The following PRKG1 variants were observed in gnomAD, a reference collection of about 807,000 sequenced individuals.
PRKG1 encodes the protein protein kinase cGMP-dependent 1.
A neutral mutation model predicts 88.1 loss-of-function variants in PRKG1; 35 were observed. The ratio of observed to expected loss-of-function variants is 0.40; its 90% confidence interval spans 0.30 to 0.53. The LOEUF is 0.53. Among genes scored for constraint, PRKG1 ranks in the 20% least tolerant of loss-of-function variants. The pLI, the probability that PRKG1 is intolerant of heterozygous loss-of-function variation, is 0.59. For synonymous variants in PRKG1, 303 were observed against 292.5 expected (o/e 1.04, Z -0.37); for missense variants, 540 against 839.8 (o/e 0.64, Z 4.41).
chr10:51,776,143 C>A (rs1838429682), intron 3 of PRKG1, among the ~76,000 whole-genome samples: 2 of 151,950 alleles, frequency 1.3e-5, no homozygotes, highest in Non-Finnish European at 2.9e-5. Flanking sequence ...GTTTATCTAC[C>A]CAAAGACCCC....
At chr10:52,290,185 G>C in intron 16 of PRKG1, 39 bp from the exon 17 acceptor site, 1 of 1,576,438 alleles carries the variant, frequency 6.3e-7, no homozygotes, top group Non-Finnish European at 8.7e-7. Flanking sequence ...GCTTTTAGCT[G>C]ACACAAAATG....
At chr10:52,015,721 T>C (rs1845022271) in intron 5 of PRKG1, among the ~76,000 whole-genome samples, 1 of 152,238 alleles carries the variant, frequency 6.6e-6, no homozygotes, top group Non-Finnish European at 1.5e-5. Flanking sequence ...TCTTTGTAAA[T>C]GCATATGACT....
intron 2 of PRKG1, among the ~76,000 whole-genome samples, chr10:51,356,313 A>G (rs1235895701): frequency 6.6e-6 from 1 of 151,940 alleles, no homozygotes; most frequent in Non-Finnish European, 1.5e-5. Flanking sequence ...CTCTGATTCA[A>G]ACAATTGTAT....
At chr10:51,904,675 T>C (rs1043576650) in intron 4 of PRKG1, among the ~76,000 whole-genome samples, 3 of 152,164 alleles carry the variant, frequency 2.0e-5, no homozygotes, top group Non-Finnish European at 4.4e-5. Flanking sequence ...AGTGCTTCAG[T>C]TGTTACTGGT....
chr10:51,202,461 A>G (rs1451471383), intron 2 of PRKG1, among the ~76,000 whole-genome samples: 1 of 152,194 alleles, frequency 6.6e-6, no homozygotes, highest in East Asian at 1.9e-4. Context: ...TCTCCTGAGA[A>G]CACTGCTTCA....
chr10:51,231,693 T>C (rs957383371), intron 2 of PRKG1, among the ~76,000 whole-genome samples: 1 of 152,068 alleles, frequency 6.6e-6, no homozygotes. Context: ...CTGGAATTAT[T>C]TGGCAACATC....
At chr10:52,277,716 T>C (rs777954446) in intron 12 of PRKG1, among the ~76,000 whole-genome samples, 10 of 152,306 alleles carry the variant, frequency 6.6e-5, no homozygotes, top group Middle Eastern at 3.4e-3. Flanking sequence ...GAATTTGAGT[T>C]TGTATTAGCA....
At chr10:52,042,188 T>G (rs1383487786) in intron 5 of PRKG1, among the ~76,000 whole-genome samples, 2 of 152,116 alleles carry the variant, frequency 1.3e-5, no homozygotes, top group Non-Finnish European at 2.9e-5. Context: ...TCTCTCAAAA[T>G]ACTAAGGGCA....
intron 2 of PRKG1, among the ~76,000 whole-genome samples, chr10:51,374,112 A>ATATATATATATATATGTG (rs886440031): frequency 1.4e-5 from 2 of 143,804 alleles, no homozygotes; most frequent in African/African-American, 5.0e-5. Flanking sequence ...ATATATATAT[A>ATATATATATATATATGTG]TGTACTTTAA....
chr10:51,030,921 T>G (rs1161125252), intron 1 of PRKG1, among the ~76,000 whole-genome samples: 1 of 152,198 alleles, frequency 6.6e-6, no homozygotes, highest in Non-Finnish European at 1.5e-5. Flanking sequence ...CAGGTATTCC[T>G]TTATGGCAAC....
chr10:51,225,328 G>A (rs555945938), intron 2 of PRKG1, among the ~76,000 whole-genome samples: 188 of 152,132 alleles, frequency 1.2e-3, no homozygotes, highest in Admixed American at 3.5e-3. Flanking sequence ...ATTACCTCCC[G>A]AAGACCCTGC....
chr10:51,086,453 G>A (rs1185984684), intron 1 of PRKG1, among the ~76,000 whole-genome samples: 1 of 152,078 alleles, frequency 6.6e-6, no homozygotes, highest in African/African-American at 2.4e-5. Context: ...AGAGAATTTA[G>A]GCACTTAGAA....
intron 1 of PRKG1, among the ~76,000 whole-genome samples, chr10:51,096,791 A>C (rs1385222113): frequency 6.6e-6 from 1 of 152,148 alleles, no homozygotes; most frequent in Non-Finnish European, 1.5e-5. Context: ...CCTCCTCATC[A>C]TTCCGCTAGC....
intron 3 of PRKG1, among the ~76,000 whole-genome samples, chr10:51,686,159 A>C (rs1408160983): frequency 6.6e-6 from 1 of 151,814 alleles, no homozygotes; most frequent in Non-Finnish European, 1.5e-5. Flanking sequence ...TTTATTCTTT[A>C]ACTTTTAGGT....
chr10:51,830,696 G>T (rs143678177), intron 4 of PRKG1, among the ~76,000 whole-genome samples: 9 of 151,236 alleles, frequency 6.0e-5, no homozygotes, highest in African/African-American at 2.2e-4. Flanking sequence ...TGAGTAGCTG[G>T]GATTACAGGT....
intron 5 of PRKG1, among the ~76,000 whole-genome samples, chr10:51,999,730 A>C (rs1844545332): frequency 6.6e-6 from 1 of 152,076 alleles, no homozygotes; most frequent in Non-Finnish European, 1.5e-5. Flanking sequence ...ATCTTTGATA[A>C]TTTAAAGAAT....
chr10:52,082,986 A>G (rs1265236335), intron 7 of PRKG1, among the ~76,000 whole-genome samples: 1 of 152,092 alleles, frequency 6.6e-6, no homozygotes, highest in Non-Finnish European at 1.5e-5. Flanking sequence ...TATTTGCAGG[A>G]AAAAAATACA....
chr10:51,175,350 C>T (rs1837162977), intron 2 of PRKG1, among the ~76,000 whole-genome samples: 1 of 151,968 alleles, frequency 6.6e-6, no homozygotes, highest in African/African-American at 2.4e-5. Context: ...CACATACACA[C>T]ACATTAGTTT....
intron 2 of PRKG1, among the ~76,000 whole-genome samples, chr10:51,184,959 A>G (rs1837447779): frequency 6.6e-6 from 1 of 152,196 alleles, no homozygotes; most frequent in Non-Finnish European, 1.5e-5. Context: ...CTCAGTGTCC[A>G]GAGACCACCA....
Sources: gnomAD v4.1 joint callset for allele counts (sites outside exome capture counted in the v4.1 genomes callset) on GRCh38, gnomAD v4.1.1 for gene constraint, MANE v1.5 for transcripts, NCBI Gene and HGNC (gene_info 2026-07-23, HGNC 2026-07-21) for gene names.